The following SLC30A6 variants were observed in gnomAD, a reference collection of about 807,000 sequenced individuals.
The protein encoded by SLC30A6 is solute carrier family 30 member 6.
Under a neutral mutation model 63.0 loss-of-function variants are expected in SLC30A6, and 55 were observed. The observed-to-expected ratio is 0.87, with a 90% CI of 0.70 to 1.09. SLC30A6 has a LOEUF of 1.09. Ranked by LOEUF, SLC30A6 falls within the 50% of genes least tolerant of loss-of-function variation. SLC30A6 has a pLI of 0.00. For synonymous variants in SLC30A6, 224 were observed against 186.1 expected, an observed-to-expected ratio of 1.20 and a Z score of -1.66; for missense variants, 587 against 549.2, an observed-to-expected ratio of 1.07 and a Z score of -0.69.
At chr2:32,182,633 C>T (rs908210782) in intron 4 of SLC30A6, among the ~76,000 whole-genome samples, 3 of 152,140 alleles carry the variant, frequency 2.0e-5, no homozygotes, top group Admixed American at 6.5e-5. Flanking sequence ...ACATGGACAC[C>T]GTTGAGCTAT....
At chr2:32,168,727 A>G (rs1047931932) in intron 1 of SLC30A6, among the ~76,000 whole-genome samples, 1 of 152,214 alleles carries the variant, frequency 6.6e-6, no homozygotes, top group Non-Finnish European at 1.5e-5. Context: ...CTTTTCACGC[A>G]AGAGTGGTCA....
chr2:32,205,727 C>T (rs976367132), intron 11 of SLC30A6, among the ~76,000 whole-genome samples: 7 of 125,366 alleles, frequency 5.6e-5, no homozygotes, highest in South Asian at 2.6e-4. Context: ...AGTGCAGTGG[C>T]GCTACACTCA....
At chr2:32,167,297 A>G (rs1240545158) in intron 1 of SLC30A6, among the ~76,000 whole-genome samples, 1 of 149,018 alleles carries the variant, frequency 6.7e-6, no homozygotes, top group Non-Finnish European at 1.5e-5. Context: ...CTGATCGCGA[A>G]CTCCTGACCT....
chr2:32,194,000 C>G lies in SLC30A6; in HGVS notation c.496+17C>G, dbSNP rs374811342. 1.9e-6 allele frequency: 3 copies of G among 1,580,976 alleles called. No homozygotes were observed. Among genetic ancestry groups the G allele is most frequent in the African/African-American group, 2.7e-5 (2 of 73,494 alleles). On this transcript the variant is annotated intron_variant, in intron 8 of 13. Coordinates refer to ENST00000282587, the MANE Select transcript of SLC30A6 (RefSeq NM_017964.5). ...TCTCAGAAGGTATGTTTTTTATTTA[C>G]TATTAATTTAAAAATCCAACTAATC...
intron 13 of SLC30A6, among the ~76,000 whole-genome samples, chr2:32,211,605 C>T (rs1186013704): frequency 1.3e-5 from 2 of 151,688 alleles, no homozygotes; most frequent in African/African-American, 4.8e-5. Flanking sequence ...GCAGTGCACC[C>T]TTTCTTCTTT....
In SLC30A6 at chr2:32,204,671, C is replaced by T; in HGVS notation, c.747C>T (p.Tyr249=). ...TFGTMYPMSV[Y]SGKVLLQTTP... Reference sequence around the variant, plus strand: ...GCACTATGTATCCCATGAGTGTGTACAGTGGGAAAGTCTTACTCCAGGTAA... The same window carrying T: ...GCACTATGTATCCCATGAGTGTGTATAGTGGGAAAGTCTTACTCCAGGTAA... Residue 249 remains tyrosine, a synonymous_variant, in exon 11 of 14, where the codon TAC becomes TAT. Coordinates refer to ENST00000282587, the MANE Select transcript of SLC30A6 (RefSeq NM_017964.5). 4.3e-6 allele frequency: 7 copies of T among 1,609,486 alleles called. No homozygotes were observed. The highest frequency in any genetic ancestry group is 5.1e-6 in the Non-Finnish European group (6 of 1,176,938).
Position 32,197,715 on chromosome 2 carries a change from G to T in SLC30A6, c.554G>T (p.Gly185Val). ...HVADLSRSLC[G>V]IIPGLSSIFL... ...TGTTTGTTTTTTCTTAGCTTGTGTG[G>T]AATTATTCCGGGACTTAGCAGTATC... The change falls in exon 10 of 14, where the codon GGA becomes GTA. Residue 185 changes from glycine to valine, a missense_variant. Physicochemically the swap from Gly to Val is moderately radical, Grantham distance 109. Transcript: ENST00000282587. The T allele has an allele frequency of 1.2e-6, 2 of 1,614,046 alleles. No individual in the cohort carries two copies. Among genetic ancestry groups the T allele is most frequent in the Non-Finnish European group, 1.7e-6 (2 of 1,179,990 alleles).
chr2:32,184,409 A>G (rs1250313523), intron 5 of SLC30A6, 71 bp downstream of exon 5: 2 of 819,524 alleles, frequency 2.4e-6, no homozygotes, highest in Non-Finnish European at 3.6e-6. Context: ...GACGATAAAG[A>G]GCTAGCTAGA....
intron 13 of SLC30A6, among the ~76,000 whole-genome samples, chr2:32,218,238 C>T (rs756567122): frequency 4.6e-5 from 7 of 152,148 alleles, no homozygotes; most frequent in South Asian, 4.2e-4. Context: ...TTGGGCAACA[C>T]GGTGAGACCT....
At chr2:32,168,436 A>G (rs2148789816) in intron 1 of SLC30A6, among the ~76,000 whole-genome samples, 1 of 149,002 alleles carries the variant, frequency 6.7e-6, no homozygotes, top group African/African-American at 2.4e-5. Context: ...ATAAATATAT[A>G]ATATTAAAAA....
intron 13 of SLC30A6, among the ~76,000 whole-genome samples, chr2:32,218,434 A>G (rs1330085864): frequency 6.6e-6 from 1 of 152,146 alleles, no homozygotes; most frequent in Non-Finnish European, 1.5e-5. Flanking sequence ...GCTGGGTATC[A>G]AGTCCTTCCA....
In SLC30A6 at chr2:32,220,309, A is replaced by G; in HGVS notation, c.982A>G (p.Thr328Ala). The change falls in exon 14 of 14, where the codon ACT becomes GCT. Residue 328 changes from threonine to alanine, a missense_variant. By Grantham distance (58) the Thr-to-Ala change is moderately conservative (BLOSUM62 0). Coordinates refer to ENST00000282587, the MANE Select transcript of SLC30A6 (RefSeq NM_017964.5). ...NRLYTLVSTLTVQIFKDDWIR... is the reference protein window; with the variant it reads ...NRLYTLVSTLAVQIFKDDWIR... ...GCTGTACACTCTAGTGTCTACTCTAACTGTTCAAATTTTCAAGGATGACTG... is the reference window on the plus strand; with the variant it reads ...GCTGTACACTCTAGTGTCTACTCTAGCTGTTCAAATTTTCAAGGATGACTG... The G allele has an allele frequency of 6.2e-7, 1 of 1,614,176 alleles. No homozygotes were observed. The highest frequency in any genetic ancestry group is 8.5e-7 in the Non-Finnish European group (1 of 1,180,034).
rs6742289 is a variant in SLC30A6 at position 32,206,204 on chromosome 2, T to C, written c.769-682T>C. 9.2e-3 allele frequency among the ~76,000 whole-genome samples: 1,392 copies of C among 151,808 alleles called. 30 individuals carry two copies. The highest frequency in any genetic ancestry group is 0.032 in the African/African-American group (1,322 of 41,340). On this transcript the variant is annotated intron_variant, in intron 11 of 13. Transcript: ENST00000282587. ...GCTCATGCCTGTAATCCCAGCACTT[T>C]GGGAGGCCGAGGTGGTTAGATGACG...
At chr2:32,212,721 C>G (rs1338037510) in intron 13 of SLC30A6, among the ~76,000 whole-genome samples, 3 of 150,938 alleles carry the variant, frequency 2.0e-5, no homozygotes, top group Admixed American at 6.6e-5. Flanking sequence ...CTCAGCCTCC[C>G]CAGTAGCTGG....
At chr2:32,177,655 T>C (rs1228929819) in intron 4 of SLC30A6, 2 of 161,248 alleles carry the variant, frequency 1.2e-5, no homozygotes, top group African/African-American at 4.8e-5. Flanking sequence ...CTTTGATTTT[T>C]TTTGTTGTTG....
chr2:32,191,105 G>A (rs763431224), intron 5 of SLC30A6, among the ~76,000 whole-genome samples: 4 of 152,132 alleles, frequency 2.6e-5, no homozygotes, highest in Admixed American at 6.5e-5. Flanking sequence ...TTCCAGCTTC[G>A]TTCTTCTTCA....
chr2:32,197,334 C>A lies in SLC30A6; in HGVS notation c.497-10C>A. The A allele has an allele frequency of 1.2e-6, 2 of 1,606,162 alleles. No homozygotes were observed. Among genetic ancestry groups the A allele is most frequent in the African/African-American group, 1.3e-5 (1 of 74,628 alleles). On this transcript the variant is annotated splice_polypyrimidine_tract_variant and intron_variant, in intron 8 of 13. Coordinates refer to ENST00000282587, the MANE Select transcript of SLC30A6 (RefSeq NM_017964.5). ...TCTATATAGATAATTTAAGTATTTT[C>A]TTCTTAAAGCTGCTAGTACGAGCTG...
chr2:32,182,662 C>G (rs563001522), intron 4 of SLC30A6, among the ~76,000 whole-genome samples: 1 of 152,294 alleles, frequency 6.6e-6, no homozygotes, highest in South Asian at 2.1e-4. Context: ...TGTAGGTCAG[C>G]GTTCCCTACT....
At chr2:32,193,820 C>T (rs1379231405) in intron 7 of SLC30A6, 69 bp from the exon 8 acceptor site, 11 of 1,215,498 alleles carry the variant, frequency 9.0e-6, no homozygotes, top group East Asian at 4.7e-5. Context: ...AGTCCCTCTA[C>T]GTATTGAAAT....
Sources: allele counts gnomAD v4.1 joint callset (sites outside exome capture counted in the v4.1 genomes callset), GRCh38; gene constraint gnomAD v4.1.1; transcripts MANE v1.5; gene names NCBI Gene and HGNC (gene_info 2026-07-23, HGNC 2026-07-21).